Variants in PACRG observed in about 807,000 individuals in gnomAD.
PACRG encodes the protein parkin coregulated.
In PACRG, 29 loss-of-function variants were observed where a neutral mutation model predicts 29.7. The ratio of observed to expected loss-of-function variants is 0.98; its 90% CI spans 0.73 to 1.33. The LOEUF (loss-of-function observed/expected upper bound fraction) is 1.33. Among genes scored for constraint, PACRG ranks in the 40% most tolerant of loss-of-function variants. PACRG has a pLI of 0.00. For synonymous variants in PACRG, 116 were observed against 118.7 expected, an observed-to-expected ratio of 0.98 and a Z score of 0.15; for missense variants, 279 against 316.2, an observed-to-expected ratio of 0.88 and a Z score of 0.89.
intron 1 of PACRG, among the ~76,000 whole-genome samples, chr6:162,793,902 A>G (rs1320378252): frequency 1.3e-5 from 2 of 152,206 alleles, no homozygotes; most frequent in African/African-American, 4.8e-5. Flanking sequence ...TGGGCTTAAT[A>G]CCTGGGTGAT....
chr6:163,017,434 A>G (rs776707032), intron 2 of PACRG, among the ~76,000 whole-genome samples: 1 of 152,160 alleles, frequency 6.6e-6, no homozygotes, highest in Non-Finnish European at 1.5e-5. Context: ...AAAGTCACAA[A>G]AATATTACGA....
chr6:162,984,896 T>A, intron 2 of PACRG, among the ~76,000 whole-genome samples: 1 of 152,046 alleles, frequency 6.6e-6, no homozygotes, highest in Non-Finnish European at 1.5e-5. Flanking sequence ...GAGTTGTGGA[T>A]TCTGGATATT....
chr6:163,137,562 C>T (rs1210035541), intron 4 of PACRG, among the ~76,000 whole-genome samples: 3 of 152,164 alleles, frequency 2.0e-5, no homozygotes, highest in African/African-American at 4.8e-5. Context: ...CTCCATCCCC[C>T]CAAACCTCCC....
At chr6:162,790,652 T>A (rs1259251758) in intron 1 of PACRG, among the ~76,000 whole-genome samples, 1 of 152,174 alleles carries the variant, frequency 6.6e-6, no homozygotes, top group African/African-American at 2.4e-5. Flanking sequence ...CTTTTCCCAA[T>A]CCCTTGTAAA....
intron 1 of PACRG, among the ~76,000 whole-genome samples, chr6:162,801,389 G>A (rs545725353): frequency 2.6e-5 from 4 of 152,190 alleles, no homozygotes; most frequent in South Asian, 4.1e-4. Context: ...GATTATAGGC[G>A]TAAGCCACCA....
intron 4 of PACRG, among the ~76,000 whole-genome samples, chr6:163,176,091 T>C (rs1779345089): frequency 6.6e-6 from 1 of 152,200 alleles, no homozygotes; most frequent in Non-Finnish European, 1.5e-5. Flanking sequence ...AATTGTAAGA[T>C]GTCAGTTTCT....
chr6:163,185,951 C>A (rs939605777), intron 4 of PACRG, among the ~76,000 whole-genome samples: 2 of 152,114 alleles, frequency 1.3e-5, no homozygotes, highest in African/African-American at 2.4e-5. Context: ...AGCAAATCAC[C>A]CCAGCACTCC....
intron 4 of PACRG, among the ~76,000 whole-genome samples, chr6:163,200,053 C>G (rs796950122): frequency 7.2e-5 from 11 of 152,234 alleles, no homozygotes; most frequent in African/African-American, 2.6e-4. Flanking sequence ...TAAAAAGTGA[C>G]TCTGCTCACT....
intron 4 of PACRG, among the ~76,000 whole-genome samples, chr6:163,302,278 T>C (rs916725646): frequency 6.6e-6 from 1 of 151,134 alleles, no homozygotes; most frequent in African/African-American, 2.4e-5. Context: ...TTGTAAGATG[T>C]GGCCAAAACT....
intron 2 of PACRG, among the ~76,000 whole-genome samples, chr6:162,918,835 C>T (rs767827639): frequency 2.0e-5 from 3 of 152,098 alleles, no homozygotes; most frequent in Non-Finnish European, 2.9e-5. Context: ...AAGTTCCCCT[C>T]TTGTATTATA....
At chr6:163,092,547 G>T (rs1814205635) in intron 4 of PACRG, among the ~76,000 whole-genome samples, 1 of 152,194 alleles carries the variant, frequency 6.6e-6, no homozygotes, top group Non-Finnish European at 1.5e-5. Context: ...AACAAGAACA[G>T]ATAAATCTGA....
intron 4 of PACRG, among the ~76,000 whole-genome samples, chr6:163,291,415 G>A (rs1276624078): frequency 1.3e-5 from 2 of 149,892 alleles, no homozygotes; most frequent in East Asian, 2.0e-4. Context: ...CTGCCTGCCC[G>A]AGCTGGCCTG....
chr6:162,802,512 G>C (rs1345725284), intron 1 of PACRG, among the ~76,000 whole-genome samples: 1 of 152,104 alleles, frequency 6.6e-6, no homozygotes, highest in Non-Finnish European at 1.5e-5. Context: ...ATGAATTCCA[G>C]TGTAATAGTC....
chr6:162,995,543 G>T (rs546886242), intron 2 of PACRG, among the ~76,000 whole-genome samples: 2 of 152,216 alleles, frequency 1.3e-5, no homozygotes, highest in South Asian at 4.1e-4. Flanking sequence ...CTCAGAAAGC[G>T]AACTCCCTGA....
intron 2 of PACRG, among the ~76,000 whole-genome samples, chr6:162,992,074 A>C (rs1803478541): frequency 1.4e-5 from 2 of 143,128 alleles, no homozygotes; most frequent in South Asian, 4.3e-4. Context: ...CCAGCCTTTC[A>C]TCCCAGGGAT....
intron 2 of PACRG, among the ~76,000 whole-genome samples, chr6:162,870,026 G>T (rs1371481261): frequency 6.6e-6 from 1 of 152,176 alleles, no homozygotes; most frequent in Non-Finnish European, 1.5e-5. Context: ...ATTAAAAGAT[G>T]ATCTGCCCCT....
chr6:163,240,574 C>G (rs1357589232), intron 4 of PACRG, among the ~76,000 whole-genome samples: 2 of 152,146 alleles, frequency 1.3e-5, no homozygotes, highest in African/African-American at 2.4e-5. Flanking sequence ...AACCACCTGG[C>G]TGGGAGAGGG....
At position 163,314,099 on chromosome 6, in the gene PACRG, G is replaced by A. The variant is rs79360816; in HGVS notation, c.614-728G>A. 5.2e-3 allele frequency among the ~76,000 whole-genome samples: 790 copies of A among 152,232 alleles called. 8 individuals are homozygous for A. The highest frequency in any genetic ancestry group is 0.018 in the African/African-American group (735 of 41,526). On this transcript the variant is annotated intron_variant, in intron 4 of 4. Coordinates refer to ENST00000366888, the MANE Select transcript of PACRG (RefSeq NM_001080379.2). ...GGCCACCCTAGGAATTGCTTCCCTC[G>A]TAGCATCAGAGGCAGCTGAAGCGGT... is the stretch of plus-strand genomic sequence containing the variant.
intron 4 of PACRG, among the ~76,000 whole-genome samples, chr6:163,201,301 T>C (rs562113209): frequency 6.6e-6 from 1 of 152,246 alleles, no homozygotes; most frequent in Non-Finnish European, 1.5e-5. Flanking sequence ...TAAATTGTAA[T>C]AGGAACCAGG....
Sources: allele counts gnomAD v4.1 joint callset (sites outside exome capture counted in the v4.1 genomes callset), GRCh38; gene constraint gnomAD v4.1.1; transcripts MANE v1.5; gene names NCBI Gene and HGNC (gene_info 2026-07-23, HGNC 2026-07-21).